The following NAALADL2 variants were observed in gnomAD, a reference collection of about 807,000 sequenced individuals.
NAALADL2 encodes the protein N-acetylated alpha-linked acidic dipeptidase like 2, also known as inactive N-acetylated-alpha-linked acidic dipeptidase-like protein 2.
Under a neutral mutation model 87.2 loss-of-function variants are expected in NAALADL2, and 76 were observed. The observed-to-expected ratio is 0.87, with a 90% confidence interval of 0.72 to 1.05. The LOEUF is 1.05. Ranked by LOEUF, NAALADL2 falls within the 50% of genes least tolerant of loss-of-function variation. The pLI is 0.00. For missense variants in NAALADL2, 1,089 were observed against 945.8 expected (o/e 1.15, Z -1.99); for synonymous variants, 354 against 331.0 (o/e 1.07, Z -0.75).
chr3:175,409,187 A>G (rs1712991321), intron 5 of NAALADL2, among the ~76,000 whole-genome samples: 1 of 151,954 alleles, frequency 6.6e-6, no homozygotes, highest in East Asian at 1.9e-4. Flanking sequence ...TATTTTAAAA[A>G]CATAATCTTA....
At chr3:175,030,732 A>G (rs1752709532) in intron 1 of NAALADL2, among the ~76,000 whole-genome samples, 2 of 152,092 alleles carry the variant, frequency 1.3e-5, no homozygotes, top group African/African-American at 4.8e-5. Context: ...GTGTAGCAGT[A>G]CAAATCTTTA....
intron 10 of NAALADL2, among the ~76,000 whole-genome samples, chr3:175,578,342 A>G (rs1719215225): frequency 6.6e-6 from 1 of 151,934 alleles, no homozygotes; most frequent in Non-Finnish European, 1.5e-5. Context: ...CTGTGATGGG[A>G]GGATCGCTGG....
intron 2 of NAALADL2, among the ~76,000 whole-genome samples, chr3:175,183,650 T>C (rs62285870): frequency 0.38 from 58,066 of 151,862 alleles, 12,074 homozygotes; most frequent in East Asian, 0.52. Flanking sequence ...TTGTGTGTAT[T>C]AAACCACCCT....
rs541407635 is a variant in NAALADL2, at chr3:175,102,757, A to G, written c.545+5466A>G. 1.2e-4 allele frequency among the ~76,000 whole-genome samples: 19 copies of G among 152,344 alleles called. No individual in the cohort carries two copies. The South Asian group carries it at 3.5e-3, about 28-fold the overall frequency. On this transcript the variant is annotated intron_variant, in intron 2 of 13. Coordinates refer to ENST00000454872, the MANE Select transcript of NAALADL2 (RefSeq NM_207015.3). ...TTTATACTGTGAAATGATCTTTATAAGCAATATAAAAGACCATATTTTCTT... is the reference window on the plus strand; with the variant it reads ...TTTATACTGTGAAATGATCTTTATAGGCAATATAAAAGACCATATTTTCTT...
chr3:174,992,894 G>A (rs980411158), intron 1 of NAALADL2, among the ~76,000 whole-genome samples: 15 of 152,030 alleles, frequency 9.9e-5, no homozygotes, highest in African/African-American at 3.6e-4. Context: ...TTTTTAGATG[G>A]AAATGTAGAG....
At chr3:175,437,744 A>G (rs1290608253) in intron 5 of NAALADL2, among the ~76,000 whole-genome samples, 1 of 152,114 alleles carries the variant, frequency 6.6e-6, no homozygotes, top group Non-Finnish European at 1.5e-5. Context: ...TACTGGTACC[A>G]AAACAGAGAT....
At chr3:175,013,539 T>C (rs1750435480) in intron 1 of NAALADL2, among the ~76,000 whole-genome samples, 2 of 151,578 alleles carry the variant, frequency 1.3e-5, no homozygotes, top group South Asian at 4.2e-4. Context: ...CCTCATGTGA[T>C]TTGTCCTCCT....
chr3:175,262,396 A>G (rs1053537992), intron 4 of NAALADL2, among the ~76,000 whole-genome samples: 2 of 152,044 alleles, frequency 1.3e-5, no homozygotes, highest in African/African-American at 4.8e-5. Context: ...TAATTATTAG[A>G]AACCAACATT....
chr3:174,818,428 G>A (rs1721033437), intron 3 of NAALADL2, among the ~76,000 whole-genome samples: 1 of 152,056 alleles, frequency 6.6e-6, no homozygotes, highest in Non-Finnish European at 1.5e-5. Context: ...CTTAGGGCCA[G>A]CTGGAATATT....
chr3:174,668,665 T>C (rs600316), intron 2 of NAALADL2, among the ~76,000 whole-genome samples: 96,731 of 151,950 alleles, frequency 0.64, 31,507 homozygotes, highest in Admixed American at 0.72. Flanking sequence ...AGTGAGAACA[T>C]GCAGTGTTTG....
chr3:175,046,284 T>G (rs1754659018), intron 1 of NAALADL2, among the ~76,000 whole-genome samples: 1 of 152,180 alleles, frequency 6.6e-6, no homozygotes, highest in African/African-American at 2.4e-5. Flanking sequence ...GATGGTAAAC[T>G]TTTAATAAGA....
chr3:175,004,165 G>C (rs1748673554), intron 1 of NAALADL2, among the ~76,000 whole-genome samples: 2 of 152,034 alleles, frequency 1.3e-5, no homozygotes, highest in Non-Finnish European at 2.9e-5. Context: ...TTTGAGCCCA[G>C]GTGTTTGAGA....
At chr3:175,595,578 C>A (rs1722144544) in intron 10 of NAALADL2, among the ~76,000 whole-genome samples, 1 of 151,900 alleles carries the variant, frequency 6.6e-6, no homozygotes. Context: ...AAATCAGTAG[C>A]ATTTCTAAAC....
chr3:175,024,524 C>A (rs566184742), intron 1 of NAALADL2, among the ~76,000 whole-genome samples: 4 of 151,872 alleles, frequency 2.6e-5, no homozygotes, highest in African/African-American at 9.7e-5. Context: ...TTAAAGTGAG[C>A]AAATATTATT....
At chr3:174,561,422 G>A (rs1237825058) in intron 2 of NAALADL2, among the ~76,000 whole-genome samples, 4 of 151,690 alleles carry the variant, frequency 2.6e-5, no homozygotes, top group African/African-American at 4.8e-5. Context: ...GAATGGTCTC[G>A]ATCTCCTGAC....
intron 1 of NAALADL2, among the ~76,000 whole-genome samples, chr3:174,898,808 A>G (rs532906358): frequency 6.6e-6 from 1 of 152,324 alleles, no homozygotes; most frequent in South Asian, 2.1e-4. Flanking sequence ...CTGGATGGTA[A>G]AATTCTAAAA....
chr3:175,592,900 TAAAA>T (rs1009118727), intron 10 of NAALADL2, among the ~76,000 whole-genome samples: 2 of 151,150 alleles, frequency 1.3e-5, no homozygotes, highest in Admixed American at 6.6e-5. Flanking sequence ...AATAATAAAA[TAAAA>T]AAAAGAAAAA....
intron 13 of NAALADL2, among the ~76,000 whole-genome samples, chr3:175,779,045 G>T (rs979082000): frequency 6.6e-6 from 1 of 152,180 alleles, no homozygotes; most frequent in South Asian, 2.1e-4. Context: ...TTGTGGAAAA[G>T]CGGCAAGACA....
intron 5 of NAALADL2, among the ~76,000 whole-genome samples, chr3:175,418,292 C>T (rs1715023215): frequency 6.6e-6 from 1 of 152,142 alleles, no homozygotes; most frequent in African/African-American, 2.4e-5. Context: ...ATGGGTAACA[C>T]ATACATGTTT....
Sources: gnomAD v4.1 joint callset for allele counts (sites outside exome capture counted in the v4.1 genomes callset) on GRCh38, gnomAD v4.1.1 for gene constraint, MANE v1.5 for transcripts, NCBI Gene and HGNC (gene_info 2026-07-23, HGNC 2026-07-21) for gene names.